UNC79: variants seen among roughly 807,000 people sequenced by gnomAD.
UNC79 encodes the protein protein unc-79 homolog.
Under a neutral mutation model 283.1 loss-of-function variants are expected in UNC79, and 37 were observed. The ratio of observed to expected loss-of-function variants is 0.13; its 90% CI spans 0.10 to 0.17. The LOEUF is 0.17. Among genes scored for constraint, UNC79 ranks in the 10% least tolerant of loss-of-function variants. The probability of loss-of-function intolerance (pLI) is 1.00; values close to 1 mark genes in which losing one functional copy is unlikely to be tolerated. For missense variants in UNC79, 2,272 were observed against 3,211.1 expected, an observed-to-expected ratio of 0.71 and a Z score of 7.07; for synonymous variants, 1,107 against 1,200.2, an observed-to-expected ratio of 0.92 and a Z score of 1.61.
intron 20 of UNC79, among the ~76,000 whole-genome samples, chr14:93,585,534 G>A (rs955870110): frequency 4.6e-5 from 7 of 152,154 alleles, no homozygotes; most frequent in Admixed American, 6.6e-5. Context: ...ACATTCAGGC[G>A]GAAGATTCCC....
chr14:93,359,841 CA>C (rs1253999320), intron 1 of UNC79, among the ~76,000 whole-genome samples: 3 of 152,224 alleles, frequency 2.0e-5, no homozygotes, highest in African/African-American at 7.2e-5. Flanking sequence ...GACCCCACTA[CA>C]CTACCAACAA....
intron 1 of UNC79, among the ~76,000 whole-genome samples, chr14:93,352,147 T>G (rs1415090424): frequency 6.6e-6 from 1 of 152,214 alleles, no homozygotes; most frequent in Non-Finnish European, 1.5e-5. Context: ...AGCAGTTTCT[T>G]AAGATCTATC....
At chr14:93,654,768 T>C (rs1397166281) in intron 37 of UNC79, among the ~76,000 whole-genome samples, 1 of 152,148 alleles carries the variant, frequency 6.6e-6, no homozygotes, top group African/African-American at 2.4e-5. Flanking sequence ...AACTTGGTTT[T>C]CCAAGGGCAG....
At chr14:93,673,753 G>A (rs2140662284) in intron 41 of UNC79, among the ~76,000 whole-genome samples, 1 of 152,220 alleles carries the variant, frequency 6.6e-6, no homozygotes, top group East Asian at 1.9e-4. Context: ...GTAGGTTAGA[G>A]GGTCAGGTCA....
intron 1 of UNC79, among the ~76,000 whole-genome samples, chr14:93,375,945 C>T (rs553893550): frequency 1.1e-5 from 1 of 90,164 alleles, no homozygotes; most frequent in South Asian, 3.3e-4. Context: ...GAAGCGAGAC[C>T]TGAGCTAGCA....
At chr14:93,428,685 G>C (rs957323995), upstream of UNC79, among the ~76,000 whole-genome samples, 4 of 152,182 alleles carry the variant, frequency 2.6e-5, no homozygotes, top group African/African-American at 9.7e-5. Flanking sequence ...CATTTGAGGA[G>C]TTTCAGCAGT....
At chr14:93,528,611 G>A in exon 9 of UNC79, 1 of 1,613,864 alleles carries the variant, frequency 6.2e-7, no homozygotes, top group Admixed American at 1.7e-5. Context: ...CACCCCCGTT[G>A]TATCTCTGTG....
rs914734298 is a variant in UNC79 at position 93,688,501 on chromosome 14, C to G, written c.6910-164C>G. Among the ~76,000 whole-genome samples the G allele has an allele frequency of 3.9e-5, 6 of 152,040 alleles. No individual in the cohort carries two copies. The highest frequency in any genetic ancestry group is 1.4e-4 in the African/African-American group (6 of 41,392). ...TTTGTAGGCTAGGGAACTTTCCCTC[C>G]TTTTATCCTAAGAACAATGGGAAGG... On this transcript the variant is annotated intron_variant, in intron 43 of 48. Coordinates refer to ENST00000555664, the Ensembl canonical transcript of UNC79. This position sits in a 1 kb window ranked among gnomAD's most constrained non-coding sequence, Gnocchi z 4.0.
At chr14:93,378,432 C>T (rs1381946348) in intron 1 of UNC79, among the ~76,000 whole-genome samples, 3 of 152,022 alleles carry the variant, frequency 2.0e-5, no homozygotes, top group Non-Finnish European at 4.4e-5. Context: ...TAGTGGTACA[C>T]GTTTAGTATC....
At chr14:93,417,099 C>G (rs1446476397) in intron 1 of UNC79, among the ~76,000 whole-genome samples, 15 of 152,010 alleles carry the variant, frequency 9.9e-5, no homozygotes, top group African/African-American at 1.7e-4. Context: ...GTTAGTTGAT[C>G]CAGTTTCTTC....
intron 14 of UNC79, among the ~76,000 whole-genome samples, chr14:93,550,885 A>G (rs1408056850): frequency 1.3e-5 from 2 of 152,192 alleles, no homozygotes; most frequent in Admixed American, 1.3e-4. Context: ...CTCTCCATGT[A>G]ATGGAAATTA....
chr14:93,396,022 T>C (rs1471675183), intron 1 of UNC79, among the ~76,000 whole-genome samples: 5 of 152,278 alleles, frequency 3.3e-5, no homozygotes, highest in Admixed American at 6.5e-5. Context: ...ATTATGCATA[T>C]GTTTGCATGC....
intron 1 of UNC79, among the ~76,000 whole-genome samples, chr14:93,450,869 G>A (rs2056615390): frequency 6.6e-6 from 1 of 152,006 alleles, no homozygotes; most frequent in Admixed American, 6.6e-5. Context: ...TTTTGCTATT[G>A]CCTTTTTCTG....
At chr14:93,372,085 A>G (rs1595398726) in intron 1 of UNC79, among the ~76,000 whole-genome samples, 1 of 152,238 alleles carries the variant, frequency 6.6e-6, no homozygotes, top group Non-Finnish European at 1.5e-5. Context: ...GAAGGAAAAT[A>G]ATATAGGACA....
intron 40 of UNC79, among the ~76,000 whole-genome samples, chr14:93,668,594 T>C (rs952744923): frequency 6.6e-6 from 1 of 151,456 alleles, no homozygotes; most frequent in Non-Finnish European, 1.5e-5. Flanking sequence ...CATGTGATCC[T>C]AGCACTTTGG....
At chr14:93,695,067 A>C (rs1422788872) in intron 47 of UNC79, among the ~76,000 whole-genome samples, 4 of 152,200 alleles carry the variant, frequency 2.6e-5, no homozygotes, top group Non-Finnish European at 4.4e-5. Context: ...GAAACAGTAG[A>C]GAACTTGGTT....
intron 5 of UNC79, among the ~76,000 whole-genome samples, chr14:93,493,669 C>T (rs1298159885): frequency 1.3e-5 from 2 of 151,710 alleles, no homozygotes; most frequent in Non-Finnish European, 2.9e-5. Flanking sequence ...TTTGTTGTTG[C>T]ACTGCTATAA....
chr14:93,463,275 G>T (rs1199716356), intron 1 of UNC79, among the ~76,000 whole-genome samples: 3 of 152,050 alleles, frequency 2.0e-5, no homozygotes, highest in African/African-American at 7.2e-5. Flanking sequence ...TTGGCAATCT[G>T]GAGGCTCTAG....
intron 1 of UNC79, among the ~76,000 whole-genome samples, chr14:93,409,448 T>C (rs1012935860): frequency 5.3e-5 from 8 of 152,218 alleles, no homozygotes; most frequent in Middle Eastern, 3.4e-3. Context: ...TCCAGTGCTT[T>C]GGGAAGCCAA....
Sources: gnomAD v4.1 joint callset for allele counts (sites outside exome capture counted in the v4.1 genomes callset) on GRCh38, gnomAD v4.1.1 for gene constraint, Gnocchi (gnomAD v3.1) non-coding constraint, MANE v1.5 for transcripts, NCBI Gene and HGNC (gene_info 2026-07-23, HGNC 2026-07-21) for gene names.